Variants in FAT3 observed in about 807,000 individuals in gnomAD.
FAT3 encodes the protein FAT atypical cadherin 3.
In FAT3, 95 loss-of-function variants were observed where a neutral mutation model predicts 310.2. The observed-to-expected ratio is 0.31, with a 90% CI of 0.26 to 0.36. The LOEUF (loss-of-function observed/expected upper bound fraction) is 0.36, where lower values mean the gene tolerates loss of function less well. Ranked by LOEUF, FAT3 falls within the 10% of genes least tolerant of loss-of-function variation. The pLI, the probability that FAT3 is intolerant of heterozygous loss-of-function variation, is 1.00. For missense variants in FAT3, 5,408 were observed against 5,715.6 expected (o/e 0.95, Z 1.74); for synonymous variants, 2,314 against 2,192.9 (o/e 1.06, Z -1.54).
At chr11:92,451,688 T>C (rs1289652200) in intron 2 of FAT3, among the ~76,000 whole-genome samples, 1 of 152,178 alleles carries the variant, frequency 6.6e-6, no homozygotes, top group Non-Finnish European at 1.5e-5. Flanking sequence ...TTTTGGTAGC[T>C]CCTATCATGT....
chr11:92,496,056 G>A (rs1952748690), intron 2 of FAT3, among the ~76,000 whole-genome samples: 1 of 152,084 alleles, frequency 6.6e-6, no homozygotes, highest in South Asian at 2.1e-4. Context: ...TAAATTTGGA[G>A]ACTGTTGATT....
rs1362505732 is a variant in FAT3 at position 92,524,638 on chromosome 11, C to T, written c.3297C>T (p.Val1099=). The T allele has an allele frequency of 1.2e-6, 2 of 1,611,916 alleles. No individual in the cohort carries two copies. Among genetic ancestry groups the T allele is most frequent in the African/African-American group, 2.7e-5 (2 of 74,844 alleles). ...GRFSIDDESG[V]ITAADILDRE... is the part of the protein sequence containing the mutation. ...CACTTCTCTTTTTTGTCTCAGGGGTCATCACTGCCGCAGACATTCTTGATC... is the reference window on the plus strand; with the variant it reads ...CACTTCTCTTTTTTGTCTCAGGGGTTATCACTGCCGCAGACATTCTTGATC... The change falls in exon 3 of 28, where the codon GTC becomes GTT. Residue 1099 remains valine, a synonymous_variant. Coordinates refer to ENST00000525166, the MANE Select transcript of FAT3 (RefSeq NM_001367949.2).
chr11:92,581,941 A>G (rs566499703), intron 3 of FAT3, among the ~76,000 whole-genome samples: 3 of 152,202 alleles, frequency 2.0e-5, no homozygotes, highest in African/African-American at 7.2e-5. Context: ...TTAAGAAAGC[A>G]AAGGAATAAG....
At chr11:92,753,359 T>C (rs1414461860) in intron 4 of FAT3, among the ~76,000 whole-genome samples, 1 of 152,074 alleles carries the variant, frequency 6.6e-6, no homozygotes, top group Non-Finnish European at 1.5e-5. Flanking sequence ...CCCAGAACCA[T>C]GAAAAACAAT....
intron 3 of FAT3, among the ~76,000 whole-genome samples, chr11:92,552,632 G>C (rs1301667477): frequency 6.6e-6 from 1 of 152,082 alleles, no homozygotes; most frequent in Non-Finnish European, 1.5e-5. Context: ...CAAGTTCATG[G>C]TCTGCTATTT....
chr11:92,344,028 A>G (rs1195692358), intron 1 of FAT3, among the ~76,000 whole-genome samples: 2 of 152,184 alleles, frequency 1.3e-5, no homozygotes, highest in African/African-American at 2.4e-5. Context: ...TTGAAATTGT[A>G]CATATTATAT....
At chr11:92,876,186 A>G (rs1591841501) in intron 22 of FAT3, among the ~76,000 whole-genome samples, 2 of 152,220 alleles carry the variant, frequency 1.3e-5, no homozygotes, top group African/African-American at 4.8e-5. Context: ...TTCCCTCCCC[A>G]TCATTGATGT....
intron 2 of FAT3, among the ~76,000 whole-genome samples, chr11:92,443,941 C>T (rs1473445815): frequency 6.6e-6 from 1 of 152,116 alleles, no homozygotes; most frequent in African/African-American, 2.4e-5. Flanking sequence ...AAACTTAAAA[C>T]ACCCCAGTGG....
chr11:92,396,949 C>T (rs374278352), intron 2 of FAT3, among the ~76,000 whole-genome samples: 12 of 152,194 alleles, frequency 7.9e-5, no homozygotes, highest in African/African-American at 2.2e-4. Context: ...TCTGTTAATC[C>T]GTCTACATCG....
chr11:92,801,061 G>T lies in FAT3; in HGVS notation c.8048G>T (p.Gly2683Val). ...TCGTTCTTTGTCAAAGCAGTAGATG[G>T]GGGCATCCCAGTAAAGCACTCCCTC... The part of the protein sequence containing the change: ...VLSFFVKAVD[G>V]GIPVKHSLIP... The change falls in exon 10 of 28, where the codon GGG (glycine) becomes GTG (valine). Residue 2683 changes from glycine to valine, a missense_variant. Gly to Val is a moderately radical substitution (Grantham distance 109). Around this residue, in one of 5 missense-constraint regions of FAT3, gnomAD observed 4,588 missense variants for 4,809.8 expected, o/e 0.95. Coordinates refer to ENST00000525166, the MANE Select transcript of FAT3 (RefSeq NM_001367949.2). 5 of 1,613,850 alleles carry T rather than the reference G, an allele frequency of 3.1e-6. No homozygotes were observed. Among genetic ancestry groups the T allele is most frequent in the Non-Finnish European group, 4.2e-6 (5 of 1,179,840 alleles).
At chr11:92,451,220 A>C (rs1303259060) in intron 2 of FAT3, among the ~76,000 whole-genome samples, 1 of 152,114 alleles carries the variant, frequency 6.6e-6, no homozygotes, top group East Asian at 1.9e-4. Flanking sequence ...TGTGGTGAAG[A>C]AGGGTTTCTG....
intron 3 of FAT3, among the ~76,000 whole-genome samples, chr11:92,639,291 T>C (rs995769966): frequency 1.3e-5 from 2 of 152,208 alleles, no homozygotes; most frequent in Non-Finnish European, 2.9e-5. Flanking sequence ...CCTTTAATGC[T>C]GTCTGCCATC....
intron 3 of FAT3, among the ~76,000 whole-genome samples, chr11:92,660,681 G>A (rs572560913): frequency 2.6e-5 from 4 of 152,272 alleles, no homozygotes; most frequent in Admixed American, 2.6e-4. Context: ...AGAACTCTGG[G>A]TCTCTCATGC....
At chr11:92,712,151 A>G (rs773383446) in intron 4 of FAT3, among the ~76,000 whole-genome samples, 1 of 152,172 alleles carries the variant, frequency 6.6e-6, no homozygotes, top group Non-Finnish European at 1.5e-5. Flanking sequence ...GAGGCTTGAC[A>G]TGTCTCTGAG....
intron 1 of FAT3, among the ~76,000 whole-genome samples, chr11:92,347,839 C>T (rs1362748218): frequency 6.6e-6 from 1 of 152,088 alleles, no homozygotes; most frequent in African/African-American, 2.4e-5. Context: ...AGGTTGGGAA[C>T]TAAGTGCTTT....
intron 9 of FAT3, 86 bp downstream of exon 9, chr11:92,793,063 C>T (rs926090283): frequency 7.3e-7 from 1 of 1,371,330 alleles, no homozygotes; most frequent in Non-Finnish European, 1.0e-6. Flanking sequence ...AAATTCAGAT[C>T]ATTAACAGTG....
At chr11:92,708,599 G>T (rs2135942160) in intron 4 of FAT3, among the ~76,000 whole-genome samples, 1 of 152,272 alleles carries the variant, frequency 6.6e-6, no homozygotes, top group African/African-American at 2.4e-5. Context: ...TTTTCCCTGT[G>T]ATTCCTGAAG....
chr11:92,846,083 G>A (rs1198648167), intron 19 of FAT3, among the ~76,000 whole-genome samples: 9 of 152,204 alleles, frequency 5.9e-5, no homozygotes, highest in Non-Finnish European at 1.2e-4. Flanking sequence ...CAGAATTTAT[G>A]AATGCCAGCT....
intron 3 of FAT3, among the ~76,000 whole-genome samples, chr11:92,675,078 T>A (rs1166790458): frequency 6.6e-6 from 1 of 152,172 alleles, no homozygotes; most frequent in Non-Finnish European, 1.5e-5. Context: ...AAAGGTGCCC[T>A]GAGGATTCAT....
Sources: allele counts gnomAD v4.1 joint callset (sites outside exome capture counted in the v4.1 genomes callset), GRCh38; gene constraint gnomAD v4.1.1; regional missense constraint gnomAD v4.1.1; transcripts MANE v1.5; gene names NCBI Gene and HGNC (gene_info 2026-07-23, HGNC 2026-07-21).